Variants in PLK4 observed in about 807,000 individuals in gnomAD.
The protein encoded by PLK4 is serine/threonine-protein kinase PLK4.
PLK4 carries 51 observed loss-of-function variants against 103.0 expected under a neutral mutation model. That is an observed-to-expected ratio of 0.50 (90% confidence interval 0.40 to 0.63). PLK4 has a LOEUF of 0.63. Ranked by LOEUF, PLK4 falls within the 20% of genes least tolerant of loss-of-function variation. The probability of loss-of-function intolerance (pLI) is 0.00; values close to 1 mark genes in which losing one functional copy is unlikely to be tolerated. For synonymous variants in PLK4, 389 were observed against 376.8 expected (o/e 1.03, Z -0.38); for missense variants, 1,054 against 1,151.0 (o/e 0.92, Z 1.22).
At chr4:127,885,571 A>G in intron 4 of PLK4, 137 bp from the exon 5 acceptor site, 2 of 654,802 alleles carry the variant, frequency 3.1e-6, no homozygotes. Flanking sequence ...AGTGGCTGGT[A>G]AATCTAAGCT....
At chr4:127,897,730 A>G (rs995038825) in intron 15 of PLK4, among the ~76,000 whole-genome samples, 2 of 144,860 alleles carry the variant, frequency 1.4e-5, no homozygotes, top group African/African-American at 5.2e-5. Flanking sequence ...ACATGTTGAC[A>G]TTTTATTTGC....
chr4:127,894,911 A>T, intron 13 of PLK4, 42 bp from the exon 14 acceptor site: 1 of 1,341,742 alleles, frequency 7.5e-7, no homozygotes, highest in Non-Finnish European at 9.9e-7. Context: ...GGCTTATAAA[A>T]ATGCTGAGGA....
chr4:127,887,329 T>G, intron 5 of PLK4, 67 bp from the exon 6 acceptor site: 1 of 821,520 alleles, frequency 1.2e-6, no homozygotes. Context: ...TCTCTAATAT[T>G]TTTACCTTAA....
chr4:127,896,992 G>T, intron 15 of PLK4, 85 bp downstream of exon 15: 2 of 689,880 alleles, frequency 2.9e-6, no homozygotes, highest in East Asian at 2.7e-5. Context: ...ATTTAATAAA[G>T]ATACTTCTTT....
At chr4:127,890,810 C>G (rs886617758) in intron 7 of PLK4, among the ~76,000 whole-genome samples, 3 of 151,930 alleles carry the variant, frequency 2.0e-5, no homozygotes, top group Non-Finnish European at 2.9e-5. Flanking sequence ...GTTTGGCTTG[C>G]TATTATCTTT....
rs1459646568 is a variant in PLK4, at chr4:127,881,123, G to A, written c.-12G>A. Reference sequence around the variant, plus strand: ...AAGCTAATCCGGAGAACCCAGGCCAGAGCCTGGAAATATGGCGACCTGCAT... The same window carrying A: ...AAGCTAATCCGGAGAACCCAGGCCAAAGCCTGGAAATATGGCGACCTGCAT... On this transcript the variant is annotated 5_prime_UTR_variant, in exon 1 of 16. Transcript: ENST00000270861. 1 of 1,613,860 alleles carries A rather than the reference G, an allele frequency of 6.2e-7. No individual in the cohort carries two copies.
Position 127,886,638 on chromosome 4 carries a change from C to G in PLK4, c.1268C>G (p.Thr423Arg). Reference protein sequence around the residue: ...GGENEERYSPTDNNANIFNFF... With the variant: ...GGENEERYSPRDNNANIFNFF... ...GAAAATGAAGAGAGGTACTCACCCA[C>G]AGACAACAATGCCAACATTTTTAAC... Residue 423 changes from threonine to arginine, a missense_variant, in exon 5 of 16, where the codon ACA (threonine) becomes AGA (arginine). Thr to Arg is a moderately conservative substitution (Grantham distance 71, BLOSUM62 -1). This residue lies in a region of PLK4 where 680 missense variants were observed against 660.3 expected (regional missense o/e 1.03). Transcript: ENST00000270861. 6.2e-7 allele frequency: 1 copy of G among 1,613,360 alleles called. No homozygotes were observed. The highest frequency in any genetic ancestry group is 2.2e-5 in the East Asian group (1 of 44,866).
At chr4:127,893,087 C>T (rs952536617) in intron 10 of PLK4, 198 bp from the exon 11 acceptor site, 4 of 416,694 alleles carry the variant, frequency 9.6e-6, no homozygotes, top group African/African-American at 2.1e-5. Flanking sequence ...CAGGCTTAAA[C>T]CAGATATATG....
chr4:127,887,630 C>A, intron 6 of PLK4, 134 bp downstream of exon 6: 1 of 623,352 alleles, frequency 1.6e-6, no homozygotes, highest in Non-Finnish European at 2.9e-6. Flanking sequence ...GTAATCCCAA[C>A]ACTTGTGAGG....
chr4:127,893,772 C>G lies in PLK4; in HGVS notation c.2453C>G (p.Pro818Arg). ...ACTAGTTCACCTAAGGCCTTATCACCTCCTCCTTCTGTGGATTCAAATTAC... is the reference window on the plus strand; with the variant it reads ...ACTAGTTCACCTAAGGCCTTATCACGTCCTCCTTCTGTGGATTCAAATTAC... ...GSTSSPKALS[P>R]PPSVDSNYPT... Residue 818 changes from proline to arginine, a missense_variant, in exon 13 of 16, where the codon CCT (proline) becomes CGT (arginine). Around this residue, in one of 4 missense-constraint regions of PLK4, gnomAD observed 167 missense variants for 200.7 expected, o/e 0.83. Transcript: ENST00000270861. The G allele has an allele frequency of 6.2e-7, 1 of 1,612,822 alleles. No individual in the cohort carries two copies. Among genetic ancestry groups the G allele is most frequent in the Non-Finnish European group, 8.5e-7 (1 of 1,178,896 alleles).
intron 10 of PLK4, 160 bp downstream of exon 10, chr4:127,892,674 T>C: frequency 1.9e-6 from 1 of 526,852 alleles, no homozygotes; most frequent in Non-Finnish European, 3.3e-6. Context: ...CAAATCATAT[T>C]AATCAAAATT....
rs774224231 is a variant in PLK4 at position 127,893,578 on chromosome 4, T to C, written c.2388T>C (p.Ala796=). 3 of 1,611,962 alleles carry C rather than the reference T, an allele frequency of 1.9e-6. No homozygotes were observed. Among genetic ancestry groups the C allele is most frequent in the South Asian group, 2.2e-5 (2 of 90,816 alleles). Residue 796 remains alanine, a synonymous_variant, in exon 12 of 16, where the codon GCT becomes GCC. Coordinates refer to ENST00000270861, the MANE Select transcript of PLK4 (RefSeq NM_014264.5). ...AAGAGGAAAGGAAAACTAGGAGTGC[T>C]CCCTTTTTCCCAATAATCATAGGAA... ...ISEEERKTRS[A]PFFPIIIGRK... is the part of the protein sequence containing the mutation.
chr4:127,898,601 A>G lies in PLK4; in HGVS notation c.*60A>G. ...TAACTTTTTTGTTGACTTTCAAGTA[A>G]AGTGATTTTTTTTAATTTAACATAA... On this transcript the variant is annotated 3_prime_UTR_variant, in exon 16 of 16. Coordinates refer to ENST00000270861, the MANE Select transcript of PLK4 (RefSeq NM_014264.5). 1 of 822,868 alleles carries G rather than the reference A, an allele frequency of 1.2e-6. No homozygotes were observed. The highest frequency in any genetic ancestry group is 2.0e-6 in the Non-Finnish European group (1 of 496,486). 51.0% of individuals were successfully genotyped at this position (822,868 alleles called of 1,614,324 possible).
intron 4 of PLK4, among the ~76,000 whole-genome samples, chr4:127,884,383 A>G (rs1012848107): frequency 3.3e-5 from 5 of 152,252 alleles, no homozygotes; most frequent in African/African-American, 4.8e-5. Flanking sequence ...AGTTACGGAA[A>G]TATTTATATT....
chr4:127,898,609 T>G lies in PLK4; in HGVS notation c.*68T>G, dbSNP rs1255031612. 2.6e-6 allele frequency: 2 copies of G among 773,428 alleles called. No individual in the cohort carries two copies. Among genetic ancestry groups the G allele is most frequent in the Non-Finnish European group, 4.4e-6 (2 of 456,054 alleles). 47.9% of individuals were successfully genotyped at this position (773,428 alleles called of 1,614,324 possible). A position where few individuals can be genotyped will look rare whatever the true frequency, so the allele number is the denominator to read the frequency against. On this transcript the variant is annotated 3_prime_UTR_variant, in exon 16 of 16. Coordinates refer to ENST00000270861, the MANE Select transcript of PLK4 (RefSeq NM_014264.5). ...TTGTTGACTTTCAAGTAAAGTGATT[T>G]TTTTTAATTTAACATAAAGTCTTCA...
intron 6 of PLK4, among the ~76,000 whole-genome samples, chr4:127,889,203 A>G (rs1735259008): frequency 6.6e-6 from 1 of 152,212 alleles, no homozygotes; most frequent in South Asian, 2.1e-4. Flanking sequence ...TTAGTTTAGC[A>G]TTGAAAAATT....
rs376727601 is a variant in PLK4 at position 127,891,579 on chromosome 4, A to G, written c.1936A>G (p.Ile646Val). Residue 646 changes from isoleucine (I) to valine (V), a missense_variant and splice_region_variant, in exon 9 of 16, where the codon ATC (isoleucine) becomes GTC (valine). Ile to Val is a conservative substitution (Grantham distance 29, BLOSUM62 3). Transcript: ENST00000270861. ...GAATTTTAAAAAAATCTTTTGGCAGATCACTATTTATTATCCAAATGGTGG... is the reference window on the plus strand; with the variant it reads ...GAATTTTAAAAAAATCTTTTGGCAGGTCACTATTTATTATCCAAATGGTGG... ...VLQISSDGNT[I>V]TIYYPNGGRG... The G allele has an allele frequency of 9.0e-6, 13 of 1,438,408 alleles. No individual in the cohort carries two copies. In the African/African-American group the frequency reaches 1.4e-4, roughly 16 times the overall value. The allele number at this position is 1,438,408 out of a possible 1,614,324, so 89.1% of individuals were successfully genotyped here.
At chr4:127,897,729 C>G (rs749082673) in intron 15 of PLK4, among the ~76,000 whole-genome samples, 1 of 142,640 alleles carries the variant, frequency 7.0e-6, no homozygotes, top group Non-Finnish European at 1.5e-5. Context: ...TACATGTTGA[C>G]ATTTTATTTG....
chr4:127,888,313 A>G (rs1247523803), intron 6 of PLK4, among the ~76,000 whole-genome samples: 4 of 151,950 alleles, frequency 2.6e-5, no homozygotes, highest in Non-Finnish European at 5.9e-5. Context: ...AGTTCTCACA[A>G]AAAAACATGA....
Sources: allele counts gnomAD v4.1 joint callset (sites outside exome capture counted in the v4.1 genomes callset), GRCh38; gene constraint gnomAD v4.1.1; regional missense constraint gnomAD v4.1.1; transcripts MANE v1.5; gene names NCBI Gene and HGNC (gene_info 2026-07-23, HGNC 2026-07-21).